The following IQCK variants were observed in gnomAD, a reference collection of about 807,000 sequenced individuals.
IQCK encodes IQ domain-containing protein K.
IQCK carries 29 observed loss-of-function variants against 28.1 expected under a neutral mutation model. The observed-to-expected ratio is 1.03, with a 90% CI of 0.77 to 1.41. The LOEUF (loss-of-function observed/expected upper bound fraction) is 1.41, where lower values mean the gene tolerates loss of function less well. IQCK is among the 40% of genes most tolerant of loss of function. The pLI is 0.00. For missense variants in IQCK, 359 were observed against 314.7 expected (o/e 1.14, Z -1.07); for synonymous variants, 113 against 115.1 (o/e 0.98, Z 0.12).
intron 7 of IQCK, among the ~76,000 whole-genome samples, chr16:19,802,789 C>A: frequency 6.6e-6 from 1 of 152,144 alleles, no homozygotes; most frequent in East Asian, 1.9e-4. Flanking sequence ...TCACTTGGCT[C>A]CATGCGTTTG....
chr16:19,854,781 A>C (rs2056534320), intron 9 of IQCK, among the ~76,000 whole-genome samples: 1 of 151,942 alleles, frequency 6.6e-6, no homozygotes, highest in African/African-American at 2.4e-5. Context: ...GGGAGCTGTT[A>C]ATCACAGCTA....
intron 7 of IQCK, among the ~76,000 whole-genome samples, chr16:19,810,354 G>A (rs546560338): frequency 1.8e-4 from 27 of 151,914 alleles, no homozygotes; most frequent in Non-Finnish European, 3.4e-4. Context: ...AAAATTAGCC[G>A]GGTGTGGTGG....
At chr16:19,735,716 G>A in intron 4 of IQCK, 1 of 438,654 alleles carries the variant, frequency 2.3e-6, no homozygotes, top group Non-Finnish European at 4.2e-6. Flanking sequence ...GTGCAGTTTG[G>A]CATCCACCAG....
At chr16:19,838,960 A>G (rs1045305993) in intron 9 of IQCK, among the ~76,000 whole-genome samples, 1 of 134,860 alleles carries the variant, frequency 7.4e-6, no homozygotes, top group Non-Finnish European at 1.5e-5. Flanking sequence ...CAGAGGTTGC[A>G]GTGAGGCAAG....
chr16:19,719,391 C>T (rs1372108360), intron 1 of IQCK, among the ~76,000 whole-genome samples: 2 of 151,824 alleles, frequency 1.3e-5, no homozygotes, highest in Non-Finnish European at 2.9e-5. Flanking sequence ...ACCTAAGCTG[C>T]CTGAAACAGC....
intron 6 of IQCK, among the ~76,000 whole-genome samples, chr16:19,780,151 C>T (rs1232962937): frequency 6.6e-6 from 1 of 152,034 alleles, no homozygotes; most frequent in African/African-American, 2.4e-5. Flanking sequence ...AAGTGATTCT[C>T]CTGCCTCAGC....
chr16:19,739,839 A>T (rs967960702), intron 4 of IQCK, among the ~76,000 whole-genome samples: 2 of 152,022 alleles, frequency 1.3e-5, no homozygotes, highest in African/African-American at 4.8e-5. Context: ...GAGCCCTCTC[A>T]TTGATTTATT....
chr16:19,781,920 C>G (rs948541914), intron 6 of IQCK, among the ~76,000 whole-genome samples: 8 of 151,768 alleles, frequency 5.3e-5, no homozygotes, highest in Non-Finnish European at 8.8e-5. Context: ...ACCCGGGAGG[C>G]AGAGGATGCA....
chr16:19,786,276 G>A (rs114250131), intron 6 of IQCK, among the ~76,000 whole-genome samples: 2,165 of 152,258 alleles, frequency 0.014, 49 homozygotes, highest in African/African-American at 0.048. Flanking sequence ...GAGCCCGGGC[G>A]GGGCGGGTGG....
intron 9 of IQCK, among the ~76,000 whole-genome samples, chr16:19,843,278 TCA>T (rs1314886349): frequency 6.6e-6 from 1 of 152,186 alleles, no homozygotes; most frequent in African/African-American, 2.4e-5. Flanking sequence ...ACTACAGATG[TCA>T]CAGAATTTGC....
chr16:19,840,954 GCCCACCAAATTGT>G (rs1277371832), intron 9 of IQCK, among the ~76,000 whole-genome samples: 3 of 152,106 alleles, frequency 2.0e-5, no homozygotes, highest in African/African-American at 7.2e-5. Flanking sequence ...TAACGATCCC[GCCCACCAAATTGT>G]CCCTGCTTCT....
chr16:19,786,011 G>A (rs2055557381), intron 6 of IQCK, among the ~76,000 whole-genome samples: 1 of 152,198 alleles, frequency 6.6e-6, no homozygotes, highest in African/African-American at 2.4e-5. Flanking sequence ...AGCATGAGGA[G>A]CAAGGCTGCT....
chr16:19,733,050 C>T (rs1028758177), intron 2 of IQCK, among the ~76,000 whole-genome samples: 7 of 152,198 alleles, frequency 4.6e-5, no homozygotes, highest in Non-Finnish European at 1.0e-4. Flanking sequence ...AGTGTTGAGT[C>T]CCTTTGGGAT....
At chr16:19,822,490 T>C (rs1451810173) in intron 7 of IQCK, among the ~76,000 whole-genome samples, 1 of 152,054 alleles carries the variant, frequency 6.6e-6, no homozygotes, top group Non-Finnish European at 1.5e-5. Flanking sequence ...GGAATAAGTA[T>C]TGATACATGC....
intron 6 of IQCK, among the ~76,000 whole-genome samples, chr16:19,768,897 G>A (rs560557284): frequency 1.3e-5 from 2 of 152,228 alleles, no homozygotes; most frequent in African/African-American, 4.8e-5. Context: ...AGTTTCTCTG[G>A]GTCAGGAATT....
downstream of IQCK, among the ~76,000 whole-genome samples, chr16:19,828,484 C>A (rs906883256): frequency 6.9e-6 from 1 of 145,506 alleles, no homozygotes; most frequent in African/African-American, 2.5e-5. Context: ...GTGATCTGCC[C>A]GCCTTGGCCT....
intron 4 of IQCK, among the ~76,000 whole-genome samples, chr16:19,743,004 A>T (rs1395932342): frequency 6.6e-6 from 1 of 152,162 alleles, no homozygotes; most frequent in Non-Finnish European, 1.5e-5. Flanking sequence ...CCCTGTCTCT[A>T]CTAAGAATAC....
At chr16:19,739,405 A>C (rs1339760354) in intron 4 of IQCK, among the ~76,000 whole-genome samples, 4 of 152,216 alleles carry the variant, frequency 2.6e-5, no homozygotes, top group Non-Finnish European at 4.4e-5. Context: ...AACTGTAAAC[A>C]AAAAAGCTGG....
At chr16:19,843,711 G>C (rs146697875) in intron 9 of IQCK, among the ~76,000 whole-genome samples, 1 of 152,154 alleles carries the variant, frequency 6.6e-6, no homozygotes, top group African/African-American at 2.4e-5. Flanking sequence ...CTCTCTTCCC[G>C]GCTTGCAGAC....
Sources: gnomAD v4.1 joint callset for allele counts (sites outside exome capture counted in the v4.1 genomes callset) on GRCh38, gnomAD v4.1.1 for gene constraint, MANE v1.5 for transcripts, NCBI Gene and HGNC (gene_info 2026-07-23, HGNC 2026-07-21) for gene names.